Variants in ARHGAP20 observed in about 807,000 individuals in gnomAD.
ARHGAP20 encodes the protein Rho GTPase activating protein 20, also known as rho GTPase-activating protein 20.
ARHGAP20 carries 34 observed loss-of-function variants against 73.7 expected under a neutral mutation model. The observed-to-expected ratio is 0.46, with a 90% CI of 0.35 to 0.61. The LOEUF (loss-of-function observed/expected upper bound fraction) is 0.61. Ranked by LOEUF, ARHGAP20 falls within the 20% of genes least tolerant of loss-of-function variation. The probability of loss-of-function intolerance (pLI) is 0.00; values close to 1 mark genes in which losing one functional copy is unlikely to be tolerated. For synonymous variants in ARHGAP20, 523 were observed against 518.2 expected (o/e 1.01, Z -0.13); for missense variants, 1,314 against 1,420.9 (o/e 0.92, Z 1.21).
At chr11:110,604,980 A>G (rs1344380822) in intron 9 of ARHGAP20, among the ~76,000 whole-genome samples, 1 of 152,202 alleles carries the variant, frequency 6.6e-6, no homozygotes, top group Non-Finnish European at 1.5e-5. Context: ...TGAAGTGCCC[A>G]TTAAGGTTGG....
chr11:110,693,723 T>G (rs533427454), intron 1 of ARHGAP20, among the ~76,000 whole-genome samples: 64 of 152,038 alleles, frequency 4.2e-4, no homozygotes, highest in Middle Eastern at 6.8e-3. Context: ...ATTTTCTTGT[T>G]TACAACTATG....
At position 110,583,587 on chromosome 11, in the gene ARHGAP20, A is replaced by G; in HGVS notation, c.1566T>C (p.Ala522=). The stretch of plus-strand genomic sequence containing the variant: ...CGTTTTCTAGTTCTGGGCTGGAGGA[A>G]GCAGGAGGCCAAAGAATACTTGGAG... ...CVAPSILWPP[A]SSSPELENEF... is the part of the protein sequence containing the mutation. Residue 522 remains alanine, a synonymous_variant, in exon 13 of 15, where the codon GCT becomes GCC. Transcript: ENST00000683387. 6.2e-7 allele frequency: 1 copy of G among 1,611,756 alleles called. No individual in the cohort carries two copies.
At chr11:110,693,828 G>A (rs956906653) in intron 1 of ARHGAP20, among the ~76,000 whole-genome samples, 1 of 151,796 alleles carries the variant, frequency 6.6e-6, no homozygotes, top group Admixed American at 6.6e-5. Context: ...GCTTATCTTA[G>A]CACAAACAAA....
chr11:110,626,800 G>A (rs1948752768), intron 3 of ARHGAP20, among the ~76,000 whole-genome samples: 2 of 151,916 alleles, frequency 1.3e-5, no homozygotes, highest in African/African-American at 4.8e-5. Context: ...GGCTGAGGAA[G>A]AAATCTCATG....
intron 1 of ARHGAP20, among the ~76,000 whole-genome samples, chr11:110,693,701 A>G (rs1950284910): frequency 6.6e-6 from 1 of 151,942 alleles, no homozygotes; most frequent in Non-Finnish European, 1.5e-5. Flanking sequence ...TTCTCAGGCA[A>G]TGAAAACTTA....
chr11:110,624,862 A>G (rs547083002), intron 3 of ARHGAP20, among the ~76,000 whole-genome samples: 2 of 152,154 alleles, frequency 1.3e-5, no homozygotes, highest in South Asian at 2.1e-4. Context: ...TGGCCACCTT[A>G]TTTTTCTATA....
At chr11:110,603,862 T>A (rs539979134) in intron 9 of ARHGAP20, among the ~76,000 whole-genome samples, 1 of 152,292 alleles carries the variant, frequency 6.6e-6, no homozygotes, top group South Asian at 2.1e-4. Flanking sequence ...TGAGAAAATA[T>A]GTTTTCAAAG....
chr11:110,622,952 T>G (rs1948660689), intron 4 of ARHGAP20, among the ~76,000 whole-genome samples: 1 of 152,156 alleles, frequency 6.6e-6, no homozygotes, highest in South Asian at 2.1e-4. Flanking sequence ...AAAAGAAGTT[T>G]CATGAAAATT....
rs766635246 is a variant in ARHGAP20 at position 110,580,406 on chromosome 11, T to G, written c.2540A>C (p.Glu847Ala). 6.2e-7 allele frequency: 1 copy of G among 1,614,258 alleles called. No individual in the cohort carries two copies. Among genetic ancestry groups the G allele is most frequent in the Non-Finnish European group, 8.5e-7 (1 of 1,180,054 alleles). ...KGPRTHRRCS[E>A]PNIEDQNRKL... ...GCGGTTCTGGTCTTCTATGTTGGGC[T>G]CTGAGCAGCGCCGATGTGTCCTTGG... The change falls in exon 15 of 15, where the codon GAG becomes GCG. Residue 847 changes from glutamate to alanine, a missense_variant. Physicochemically the swap from Glu to Ala is moderately radical, Grantham distance 107. Around this residue, in one of 3 missense-constraint regions of ARHGAP20, gnomAD observed 641 missense variants for 636.9 expected, o/e 1.01. Coordinates refer to ENST00000683387, the MANE Select transcript of ARHGAP20 (RefSeq NM_001384657.1).
intron 2 of ARHGAP20, among the ~76,000 whole-genome samples, chr11:110,688,990 T>C (rs998166833): frequency 6.7e-6 from 1 of 148,976 alleles, no homozygotes; most frequent in South Asian, 2.1e-4. Context: ...ACTTCCATAC[T>C]TTCATATAGT....
intron 1 of ARHGAP20, among the ~76,000 whole-genome samples, chr11:110,703,215 G>A (rs77308857): frequency 2.2e-4 from 33 of 152,212 alleles, no homozygotes; most frequent in African/African-American, 7.9e-4. Flanking sequence ...TTACAGTACA[G>A]ACTACTGTAA....
intron 11 of ARHGAP20, among the ~76,000 whole-genome samples, chr11:110,589,249 G>T (rs969724113): frequency 6.6e-6 from 1 of 152,134 alleles, no homozygotes; most frequent in African/African-American, 2.4e-5. Context: ...GGATTGAAGA[G>T]TAATCATAAA....
intron 1 of ARHGAP20, chr11:110,711,648 C>A: frequency 1.4e-6 from 2 of 1,475,900 alleles, no homozygotes; most frequent in Admixed American, 2.3e-5. Flanking sequence ...GCCGCAGCCC[C>A]GCTGCCTACC....
intron 3 of ARHGAP20, among the ~76,000 whole-genome samples, chr11:110,629,116 T>A (rs1389271434): frequency 6.6e-6 from 1 of 152,164 alleles, no homozygotes; most frequent in Non-Finnish European, 1.5e-5. Flanking sequence ...CTTTAAGATC[T>A]TAAAGTTTAG....
At chr11:110,614,452 G>T in intron 6 of ARHGAP20, 109 bp downstream of exon 6, 2 of 932,230 alleles carry the variant, frequency 2.1e-6, no homozygotes, top group Non-Finnish European at 3.4e-6. Context: ...ACCTTCCATA[G>T]CACATACACA....
At chr11:110,661,584 T>C (rs1949613341) in intron 2 of ARHGAP20, among the ~76,000 whole-genome samples, 1 of 152,112 alleles carries the variant, frequency 6.6e-6, no homozygotes, top group Non-Finnish European at 1.5e-5. Context: ...TTTTTTTCTC[T>C]ATACTGCACT....
intron 2 of ARHGAP20, among the ~76,000 whole-genome samples, chr11:110,670,719 C>T (rs1462289755): frequency 6.6e-6 from 1 of 151,990 alleles, no homozygotes; most frequent in South Asian, 2.1e-4. Context: ...CAAAACCAGA[C>T]AAGATAATAC....
intron 2 of ARHGAP20, among the ~76,000 whole-genome samples, chr11:110,658,546 A>C (rs2135034417): frequency 6.6e-6 from 1 of 152,314 alleles, no homozygotes; most frequent in South Asian, 2.1e-4. Context: ...GACAAGTAGG[A>C]AAAACTACTA....
chr11:110,641,872 T>G (rs548516789), intron 2 of ARHGAP20, among the ~76,000 whole-genome samples: 1 of 152,182 alleles, frequency 6.6e-6, no homozygotes, highest in East Asian at 1.9e-4. Context: ...ATCCACTAAG[T>G]AAAATTCGTT....
Sources: allele counts gnomAD v4.1 joint callset (sites outside exome capture counted in the v4.1 genomes callset), GRCh38; gene constraint gnomAD v4.1.1; regional missense constraint gnomAD v4.1.1; transcripts MANE v1.5; gene names NCBI Gene and HGNC (gene_info 2026-07-23, HGNC 2026-07-21).